The following DENND5B variants were observed in gnomAD, a reference collection of about 807,000 sequenced individuals.
DENND5B encodes DENN domain-containing protein 5B.
Under a neutral mutation model 140.6 loss-of-function variants are expected in DENND5B, and 34 were observed. The observed-to-expected ratio is 0.24, with a 90% CI of 0.18 to 0.32. The LOEUF (loss-of-function observed/expected upper bound fraction) is 0.32, where lower values mean the gene tolerates loss of function less well. Ranked by LOEUF, DENND5B falls within the 10% of genes least tolerant of loss-of-function variation. The probability of loss-of-function intolerance (pLI) is 1.00; values close to 1 mark genes in which losing one functional copy is unlikely to be tolerated. For synonymous variants in DENND5B, 551 were observed against 562.1 expected (o/e 0.98, Z 0.28); for missense variants, 1,142 against 1,560.2 (o/e 0.73, Z 4.52).
Position 31,389,328 on chromosome 12 carries a change from T to C in DENND5B, c.3637A>G (p.Thr1213Ala). Reference sequence around the variant, plus strand: ...AATAAAAAACTGGTTTTGTACCTTGTTCCAAGGCAAACTAAAATCTGGAAT... The same window carrying C: ...AATAAAAAACTGGTTTTGTACCTTGCTCCAAGGCAAACTAAAATCTGGAAT... ...GKFQILVCLG[T>A]RDRLLPQWIP... is the part of the protein sequence containing the mutation. Residue 1213 changes from threonine to alanine, a missense_variant, in exon 20 of 21, where the codon ACA becomes GCA. Transcript: ENST00000389082. 3.7e-6 allele frequency: 6 copies of C among 1,612,354 alleles called. No individual in the cohort carries two copies. Among genetic ancestry groups the C allele is most frequent in the Non-Finnish European group, 5.1e-6 (6 of 1,179,264 alleles).
chr12:31,399,014 C>G (rs1298408941), intron 16 of DENND5B, among the ~76,000 whole-genome samples: 1 of 149,652 alleles, frequency 6.7e-6, no homozygotes, highest in Non-Finnish European at 1.5e-5. Context: ...CCCAGCTACT[C>G]GGGAGGCTGA....
At chr12:31,416,999 G>T (rs1243729521) in intron 11 of DENND5B, among the ~76,000 whole-genome samples, 3 of 147,796 alleles carry the variant, frequency 2.0e-5, no homozygotes, top group Non-Finnish European at 3.0e-5. Context: ...GCTGAGGTTG[G>T]GAGGATCATC....
intron 1 of DENND5B, chr12:31,541,142 G>T: frequency 3.1e-6 from 1 of 326,734 alleles, no homozygotes. Context: ...CAGAACACTG[G>T]AGTGGGCAAG....
chr12:31,423,339 A>C (rs1189558936), intron 11 of DENND5B, among the ~76,000 whole-genome samples: 3 of 152,098 alleles, frequency 2.0e-5, no homozygotes, highest in Admixed American at 1.3e-4. Flanking sequence ...ATGATACCTT[A>C]TTTGATCAGC....
At chr12:31,395,116 A>G (rs1027094261) in intron 17 of DENND5B, among the ~76,000 whole-genome samples, 21 of 152,186 alleles carry the variant, frequency 1.4e-4, no homozygotes, top group Admixed American at 1.4e-3. Flanking sequence ...ATATCTGGGT[A>G]CAAGTCTGTG....
intron 1 of DENND5B, among the ~76,000 whole-genome samples, chr12:31,588,201 G>A (rs1950466441): frequency 6.6e-6 from 1 of 152,124 alleles, no homozygotes; most frequent in Non-Finnish European, 1.5e-5. Context: ...TGTGCCCCCA[G>A]GTGATCCATC....
chr12:31,540,508 GC>G (rs2139161577), intron 1 of DENND5B, among the ~76,000 whole-genome samples: 1 of 152,082 alleles, frequency 6.6e-6, no homozygotes, highest in South Asian at 2.1e-4. Context: ...ACAAAAATTA[GC>G]CAGGTGAGGT....
intron 2 of DENND5B, among the ~76,000 whole-genome samples, chr12:31,490,710 A>G (rs1417780447): frequency 5.3e-5 from 8 of 152,242 alleles, no homozygotes; most frequent in Non-Finnish European, 1.2e-4. Context: ...GTAATTTGGG[A>G]TTATCCATTT....
chr12:31,550,979 T>C (rs1488247156), intron 1 of DENND5B, among the ~76,000 whole-genome samples: 1 of 152,110 alleles, frequency 6.6e-6, no homozygotes, highest in Non-Finnish European at 1.5e-5. Context: ...GTCAGATGAG[T>C]AGGTTGCAAA....
At chr12:31,539,081 A>C (rs1217621312) in intron 1 of DENND5B, among the ~76,000 whole-genome samples, 1 of 152,122 alleles carries the variant, frequency 6.6e-6, no homozygotes, top group Admixed American at 6.6e-5. Context: ...AGAAATTCAA[A>C]GGATCATTAG....
chr12:31,429,110 G>A (rs1211400660), intron 8 of DENND5B, among the ~76,000 whole-genome samples: 1 of 151,408 alleles, frequency 6.6e-6, no homozygotes, highest in Non-Finnish European at 1.5e-5. Flanking sequence ...CTGACCCTGT[G>A]ATCCGCCCAC....
intron 6 of DENND5B, among the ~76,000 whole-genome samples, chr12:31,447,142 G>C (rs761776894): frequency 2.6e-5 from 4 of 151,682 alleles, no homozygotes; most frequent in African/African-American, 9.7e-5. Context: ...GTGATGGTGC[G>C]TGCCTGTAAT....
At chr12:31,575,300 T>C (rs1481783266) in intron 1 of DENND5B, among the ~76,000 whole-genome samples, 2 of 152,196 alleles carry the variant, frequency 1.3e-5, no homozygotes, top group Non-Finnish European at 2.9e-5. Context: ...TACTGCTCAA[T>C]GTATTCTTAT....
intron 6 of DENND5B, among the ~76,000 whole-genome samples, chr12:31,443,178 C>T (rs1360615051): frequency 3.3e-5 from 5 of 152,230 alleles, no homozygotes; most frequent in South Asian, 2.1e-4. Flanking sequence ...TGGGTTCAAA[C>T]GATCCTCCTG....
chr12:31,574,349 G>C (rs1004444170), intron 1 of DENND5B, among the ~76,000 whole-genome samples: 1 of 150,866 alleles, frequency 6.6e-6, no homozygotes, highest in Non-Finnish European at 1.5e-5. Context: ...CAGCACTTTG[G>C]GAGGCCAAGG....
At chr12:31,496,766 C>T (rs1246454593) in intron 1 of DENND5B, among the ~76,000 whole-genome samples, 1 of 151,838 alleles carries the variant, frequency 6.6e-6, no homozygotes, top group East Asian at 1.9e-4. Context: ...TAATAGCTAT[C>T]AGATTAGTTT....
At chr12:31,451,163 A>C (rs1047850188) in intron 5 of DENND5B, among the ~76,000 whole-genome samples, 1 of 152,210 alleles carries the variant, frequency 6.6e-6, no homozygotes, top group Non-Finnish European at 1.5e-5. Flanking sequence ...AGACTAAATA[A>C]ATGATTTCTA....
chr12:31,416,160 T>C (rs1593107540), intron 11 of DENND5B, among the ~76,000 whole-genome samples: 1 of 152,052 alleles, frequency 6.6e-6, no homozygotes. Context: ...TTCTATGTAA[T>C]CTGGAACTGC....
intron 1 of DENND5B, among the ~76,000 whole-genome samples, chr12:31,577,324 CA>C (rs1950047622): frequency 6.6e-6 from 1 of 151,990 alleles, no homozygotes; most frequent in Non-Finnish European, 1.5e-5. Context: ...CAGGCATGGA[CA>C]GGAAAAAATT....
Sources: allele counts gnomAD v4.1 joint callset (sites outside exome capture counted in the v4.1 genomes callset), GRCh38; gene constraint gnomAD v4.1.1; transcripts MANE v1.5; gene names NCBI Gene and HGNC (gene_info 2026-07-23, HGNC 2026-07-21).